BRSK2: variants seen among roughly 807,000 people sequenced by gnomAD.
BRSK2 encodes serine/threonine-protein kinase BRSK2.
In BRSK2, 19 loss-of-function variants were observed where a neutral mutation model predicts 83.3. The observed-to-expected ratio is 0.23, with a 90% confidence interval of 0.16 to 0.33. BRSK2 has a LOEUF of 0.33. Ranked by LOEUF, BRSK2 falls within the 10% of genes least tolerant of loss-of-function variation. The pLI, the probability that BRSK2 is intolerant of heterozygous loss-of-function variation, is 1.00. For synonymous variants in BRSK2, 519 were observed against 435.4 expected, an observed-to-expected ratio of 1.19 and a Z score of -2.39; for missense variants, 798 against 1,042.3, an observed-to-expected ratio of 0.77 and a Z score of 3.23.
At position 1,451,263 on chromosome 11, in the gene BRSK2, G is replaced by A. The variant is rs964790834; in HGVS notation, c.1496-108G>A. The A allele has an allele frequency of 1.7e-4, 219 of 1,298,770 alleles. 1 individual carries two copies. Among genetic ancestry groups the A allele is most frequent in the Middle Eastern group, 1.5e-3 (8 of 5,444 alleles). The allele number at this position is 1,298,770 out of a possible 1,614,324, so 80.5% of individuals were successfully genotyped here. A position where few individuals can be genotyped will look rare whatever the true frequency, so the allele number is the denominator to read the frequency against. ...GTGCCCCTGGGGGGGCTGTCCCAGT[G>A]TGTGTGGGTGGACTCCTGATGACCC... On this transcript the variant is annotated intron_variant, in intron 14 of 19. Coordinates refer to ENST00000528841, the MANE Select transcript of BRSK2 (RefSeq NM_001256627.2).
chr11:1,403,968 C>T (rs987840664), intron 1 of BRSK2, among the ~76,000 whole-genome samples: 1 of 152,182 alleles, frequency 6.6e-6, no homozygotes, highest in African/African-American at 2.4e-5. Flanking sequence ...TGGGCCTGGT[C>T]AGATGGGGCG....
In BRSK2 at chr11:1,454,486, C is replaced by G; in HGVS notation, c.1546C>G (p.Leu516Val). The G allele has an allele frequency of 6.2e-7, 1 of 1,612,988 alleles. No individual in the cohort carries two copies. Among genetic ancestry groups the G allele is most frequent in the Non-Finnish European group, 8.5e-7 (1 of 1,179,842 alleles). ...CAGCCTCTGTCTCCCACTGCCCAGG[C>G]TGGCGAAGAAGTCCTGGTTTGGGAA... ...SNLTPESSPELAKKSWFGNFI... is the reference protein window; with the variant it reads ...SNLTPESSPEVAKKSWFGNFI... The change falls in exon 16 of 20, where the codon CTG becomes GTG. Residue 516 changes from leucine (L) to valine (V), a missense_variant and splice_region_variant. This residue lies in a region of BRSK2 where 455 missense variants were observed against 455.2 expected (regional missense o/e 1.00). Transcript: ENST00000528841. The surrounding 1 kb of genome is among the most constrained non-coding windows in gnomAD (Gnocchi z 5.2).
At chr11:1,393,906 CCCTGGAG>C (rs1845886322) in intron 1 of BRSK2, among the ~76,000 whole-genome samples, 1 of 133,270 alleles carries the variant, frequency 7.5e-6, no homozygotes, top group Non-Finnish European at 1.6e-5. Flanking sequence ...GGAGATGGGC[CCCTGGAG>C]ATGGGCCATG....
At chr11:1,426,663 ACT>A (rs1235682246) in intron 1 of BRSK2, among the ~76,000 whole-genome samples, 1 of 150,884 alleles carries the variant, frequency 6.6e-6, no homozygotes, top group South Asian at 2.1e-4. Context: ...TTTCTGTGTG[ACT>A]CTCACCTGTG....
Position 1,438,258 on chromosome 11 carries a change from C to G in BRSK2, c.187-48C>G. 1 of 1,574,030 alleles carries G rather than the reference C, an allele frequency of 6.4e-7. No homozygotes were observed. Among genetic ancestry groups the G allele is most frequent in the Non-Finnish European group, 8.7e-7 (1 of 1,145,294 alleles). ...AAGGCAGTGTCTGTGGGGAGCGATG[C>G]GTGCCCCAGCCCTGTGAGCGTGATG... On this transcript the variant is annotated intron_variant, in intron 2 of 19. Transcript: ENST00000528841. The surrounding 1 kb of genome is among the most constrained non-coding windows in gnomAD (Gnocchi z 6.4).
chr11:1,420,212 G>A (rs1233710849), intron 1 of BRSK2, among the ~76,000 whole-genome samples: 1 of 152,240 alleles, frequency 6.6e-6, no homozygotes, highest in East Asian at 1.9e-4. Context: ...AAGTGGGGTG[G>A]CCTTGTTAGG....
At chr11:1,407,577 C>G (rs1201426074) in intron 1 of BRSK2, among the ~76,000 whole-genome samples, 1 of 152,168 alleles carries the variant, frequency 6.6e-6, no homozygotes, top group Non-Finnish European at 1.5e-5. Context: ...GTTCTAGCAG[C>G]CTGGTTCTAG....
At position 1,450,796 on chromosome 11, in the gene BRSK2, T is replaced by C. The variant is rs1366791172; in HGVS notation, c.1495+2T>C. 2 of 1,589,724 alleles carry C rather than the reference T, an allele frequency of 1.3e-6. No homozygotes were observed. Among genetic ancestry groups the C allele is most frequent in the Admixed American group, 1.8e-5 (1 of 54,194 alleles). ...GCTTCCACCGCCGGAAACTGCAAGG[T>C]GAGTGTCTGCCCGGAGGCGCCAGAG... is the stretch of plus-strand genomic sequence containing the variant. On this transcript the variant is annotated splice_donor_variant, in intron 14 of 19. Coordinates refer to ENST00000528841, the MANE Select transcript of BRSK2 (RefSeq NM_001256627.2). LOFTEE classifies it high-confidence loss of function.
intron 15 of BRSK2, among the ~76,000 whole-genome samples, chr11:1,452,462 C>CTGA (rs1845915838): frequency 1.3e-5 from 2 of 152,256 alleles, no homozygotes; most frequent in Non-Finnish European, 2.9e-5. Context: ...TCATAATTAT[C>CTGA]TTCCTCAGAG....
At chr11:1,395,816 C>A (rs1846044971) in intron 1 of BRSK2, among the ~76,000 whole-genome samples, 1 of 152,232 alleles carries the variant, frequency 6.6e-6, no homozygotes, top group Non-Finnish European at 1.5e-5. Context: ...TGCCCCCTCC[C>A]CCAGCTGTGC....
intron 12 of BRSK2, 142 bp downstream of exon 12, chr11:1,446,049 TGGGCTGGGCTGG>T: frequency 1.1e-5 from 3 of 262,536 alleles, no homozygotes; most frequent in Non-Finnish European, 1.7e-5. Flanking sequence ...TGGGCTTAGC[TGGGCTGGGCTGG>T]GCTGGGCTTG....
intron 4 of BRSK2, 37 bp from the exon 5 acceptor site, chr11:1,442,453 G>C: frequency 6.4e-7 from 1 of 1,553,910 alleles, no homozygotes; most frequent in Non-Finnish European, 8.9e-7. Flanking sequence ...TCAAGGCAGA[G>C]ACTGGCCCTG....
chr11:1,395,930 C>T (rs1344171250), intron 1 of BRSK2, among the ~76,000 whole-genome samples: 1 of 152,224 alleles, frequency 6.6e-6, no homozygotes, highest in Non-Finnish European at 1.5e-5. Flanking sequence ...AATGCAGGGC[C>T]TGGGCTGTGA....
chr11:1,419,316 G>T (rs1425581541), intron 1 of BRSK2, among the ~76,000 whole-genome samples: 2 of 152,226 alleles, frequency 1.3e-5, no homozygotes, highest in Non-Finnish European at 2.9e-5. Context: ...AGCTGTGTTT[G>T]TGGGCCCTGG....
chr11:1,398,424 G>A (rs899814852), intron 1 of BRSK2, among the ~76,000 whole-genome samples: 9 of 152,130 alleles, frequency 5.9e-5, no homozygotes, highest in Middle Eastern at 3.2e-3. Context: ...TGTGGTACCC[G>A]CCCCGGGAAG....
In BRSK2 at chr11:1,450,741, C is replaced by G; in HGVS notation, c.1442C>G (p.Ser481Cys). The change falls in exon 14 of 20, where the codon TCC (serine) becomes TGC (cysteine). Residue 481 changes from serine (S) to cysteine (C), a missense_variant. Transcript: ENST00000528841. ...GGVPWRARLNSIKNSFLGSPR... is the reference protein window; with the variant it reads ...GGVPWRARLNCIKNSFLGSPR... ...GTGCCCTGGAGGGCGCGGCTCAACT[C>G]CATCAAGAACAGCTTTCTGGGCTCA... The G allele has an allele frequency of 6.3e-7, 1 of 1,599,128 alleles. No individual in the cohort carries two copies. Among genetic ancestry groups the G allele is most frequent in the Non-Finnish European group, 8.5e-7 (1 of 1,175,338 alleles).
At chr11:1,436,004 TG>T in intron 1 of BRSK2, 35 bp from the exon 2 acceptor site, 2 of 1,542,448 alleles carry the variant, frequency 1.3e-6, no homozygotes, top group Non-Finnish European at 1.8e-6. Context: ...GCAGGCACCC[TG>T]GGTGGGTCTG....
chr11:1,410,785 C>G (rs1847392781), intron 1 of BRSK2: 1 of 985,338 alleles, frequency 1.0e-6, no homozygotes, highest in African/African-American at 1.7e-5. Context: ...TTGAGAAGGC[C>G]ACAGGTGGCC....
Position 1,460,959 on chromosome 11 carries a change from T to C in BRSK2, c.*236T>C, listed in dbSNP as rs1564897703. 2 of 1,612,454 alleles carry C rather than the reference T, an allele frequency of 1.2e-6. No individual in the cohort carries two copies. Among genetic ancestry groups the C allele is most frequent in the Non-Finnish European group, 1.7e-6 (2 of 1,179,400 alleles). On this transcript the variant is annotated 3_prime_UTR_variant, in exon 20 of 20. Coordinates refer to ENST00000528841, the MANE Select transcript of BRSK2 (RefSeq NM_001256627.2). Reference sequence around the variant, plus strand: ...CTCTGACAGCATCGCTTGTTTCCACTCTGATACCAGGAATTATCCCGAAAA... The same window carrying C: ...CTCTGACAGCATCGCTTGTTTCCACCCTGATACCAGGAATTATCCCGAAAA...
Sources: allele counts gnomAD v4.1 joint callset (sites outside exome capture counted in the v4.1 genomes callset), GRCh38; gene constraint gnomAD v4.1.1; regional missense constraint gnomAD v4.1.1; non-coding constraint Gnocchi (gnomAD v3.1); transcripts MANE v1.5; gene names NCBI Gene and HGNC (gene_info 2026-07-23, HGNC 2026-07-21).